CALN1: variants seen among roughly 807,000 people sequenced by gnomAD.
CALN1 encodes calcium-binding protein 8.
In CALN1, 17 loss-of-function variants were observed where a neutral mutation model predicts 30.6. That is an observed-to-expected ratio of 0.56 (90% CI 0.38 to 0.83). CALN1 has a LOEUF of 0.83. CALN1 is among the 40% of genes least tolerant of loss of function. The probability of loss-of-function intolerance (pLI) is 0.00; values close to 1 mark genes in which losing one functional copy is unlikely to be tolerated. For synonymous variants in CALN1, 156 were observed against 131.4 expected, an observed-to-expected ratio of 1.19 and a Z score of -1.28; for missense variants, 291 against 354.9, an observed-to-expected ratio of 0.82 and a Z score of 1.45.
intron 5 of CALN1, 117 bp downstream of exon 5, chr7:72,023,540 T>G (rs1195278914): frequency 3.4e-6 from 2 of 588,700 alleles, no homozygotes; most frequent in African/African-American, 3.7e-5. Context: ...GGAACATATG[T>G]CGCTCAGCCC....
intron 3 of CALN1, among the ~76,000 whole-genome samples, chr7:72,205,787 A>G (rs980003070): frequency 1.3e-5 from 2 of 151,550 alleles, no homozygotes; most frequent in African/African-American, 4.8e-5. Context: ...CTACAGTGCA[A>G]TCTCTAACAG....
chr7:71,856,955 AAAAAT>A (rs1016896246), intron 5 of CALN1, among the ~76,000 whole-genome samples: 7 of 152,030 alleles, frequency 4.6e-5, no homozygotes, highest in African/African-American at 1.7e-4. Context: ...ATTTTGTCTC[AAAAAT>A]AAAATAAAAT....
intron 3 of CALN1, among the ~76,000 whole-genome samples, chr7:72,225,907 C>T (rs1245300732): frequency 6.6e-6 from 1 of 151,988 alleles, no homozygotes; most frequent in Non-Finnish European, 1.5e-5. Flanking sequence ...ACCATCCTGG[C>T]CAACATGGTG....
At chr7:72,342,015 G>C (rs755125915) in intron 2 of CALN1, among the ~76,000 whole-genome samples, 6 of 152,086 alleles carry the variant, frequency 3.9e-5, no homozygotes, top group African/African-American at 1.4e-4. Flanking sequence ...ACTTTGGAAG[G>C]TCTAGGTGGG....
At chr7:72,423,931 AAG>A (rs1288721797) in intron 1 of CALN1, among the ~76,000 whole-genome samples, 2 of 137,208 alleles carry the variant, frequency 1.5e-5, no homozygotes, top group African/African-American at 5.4e-5. Flanking sequence ...GAGAAAAAGA[AAG>A]AAGAGAAAGA....
At chr7:72,398,807 CAT>C (rs1397135266) in intron 2 of CALN1, among the ~76,000 whole-genome samples, 1 of 152,222 alleles carries the variant, frequency 6.6e-6, no homozygotes, top group Non-Finnish European at 1.5e-5. Context: ...TAGCATTCCC[CAT>C]ATGACTTTAG....
chr7:72,411,528 C>G (rs1021572330), intron 1 of CALN1, among the ~76,000 whole-genome samples: 1 of 152,156 alleles, frequency 6.6e-6, no homozygotes, highest in African/African-American at 2.4e-5. Flanking sequence ...ATGGACGTAT[C>G]AGTTGTGTCA....
intron 6 of CALN1, among the ~76,000 whole-genome samples, chr7:71,794,435 G>A (rs948913578): frequency 2.0e-5 from 3 of 152,094 alleles, no homozygotes; most frequent in Non-Finnish European, 4.4e-5. Context: ...GTCTATAATA[G>A]AAGACTATAG....
At chr7:71,800,470 G>A (rs745503659) in intron 6 of CALN1, among the ~76,000 whole-genome samples, 8 of 152,078 alleles carry the variant, frequency 5.3e-5, no homozygotes, top group Non-Finnish European at 1.2e-4. Context: ...TTCCCCAGTT[G>A]GTGATTTCGC....
chr7:72,185,080 C>T (rs1272209632), intron 3 of CALN1, among the ~76,000 whole-genome samples: 1 of 152,138 alleles, frequency 6.6e-6, no homozygotes, highest in African/African-American at 2.4e-5. Context: ...GCTGGGATTA[C>T]AGGCTTGAGC....
intron 4 of CALN1, among the ~76,000 whole-genome samples, chr7:72,034,558 C>T (rs1801669438): frequency 1.3e-5 from 2 of 151,094 alleles, no homozygotes; most frequent in Admixed American, 6.6e-5. Flanking sequence ...TTTGGGAGGC[C>T]GATCAGACAG....
intron 3 of CALN1, among the ~76,000 whole-genome samples, chr7:72,221,536 G>C (rs1435170661): frequency 6.6e-6 from 1 of 152,024 alleles, no homozygotes; most frequent in East Asian, 1.9e-4. Context: ...GACAAGCAAA[G>C]ATTTGTTTTT....
At chr7:72,224,385 T>C (rs564874349) in intron 3 of CALN1, among the ~76,000 whole-genome samples, 1 of 152,278 alleles carries the variant, frequency 6.6e-6, no homozygotes, top group African/African-American at 2.4e-5. Flanking sequence ...TTTGGATGGA[T>C]ATCACAGGGT....
the CALN1 span, among the ~76,000 whole-genome samples, chr7:72,486,827 A>G: frequency 1.3e-5 from 2 of 152,212 alleles, no homozygotes; most frequent in African/African-American, 4.8e-5. Flanking sequence ...CTCACTGATT[A>G]CCTACTATAT....
chr7:71,814,742 AT>A (rs1788158641), intron 5 of CALN1, among the ~76,000 whole-genome samples: 1 of 151,884 alleles, frequency 6.6e-6, no homozygotes, highest in South Asian at 2.1e-4. Flanking sequence ...CCTCTTTATG[AT>A]TTTCATAATA....
intron 3 of CALN1, among the ~76,000 whole-genome samples, chr7:72,117,149 C>A (rs1326148321): frequency 1.3e-5 from 2 of 152,068 alleles, no homozygotes; most frequent in Non-Finnish European, 1.5e-5. Flanking sequence ...CCCATCTCTA[C>A]AAAAAATTAA....
At chr7:72,331,616 T>C (rs537425928) in intron 2 of CALN1, among the ~76,000 whole-genome samples, 2 of 152,240 alleles carry the variant, frequency 1.3e-5, no homozygotes, top group South Asian at 2.1e-4. Context: ...AGACAGCAAC[T>C]TTTTTTTCTA....
rs909702683 is a variant in CALN1 at position 72,114,449 on chromosome 7, C to A, written c.245-8155G>T. ...TACCCTGGTGATTGCTTCTAGCGAG[C>A]AGCTGCAAATACTTGGCAAGAGTTT... On this transcript the variant is annotated intron_variant, in intron 3 of 6. Coordinates refer to ENST00000395275, the MANE Select transcript of CALN1 (RefSeq NM_031468.4). Among the ~76,000 whole-genome samples, 15 of 151,670 alleles carry A rather than the reference C, an allele frequency of 9.9e-5. No homozygotes were observed. The South Asian group carries it at 3.1e-3, about 32-fold the overall frequency.
the CALN1 span, among the ~76,000 whole-genome samples, chr7:72,458,273 ATATAATATATTT>A: frequency 2.6e-4 from 17 of 65,060 alleles, no homozygotes; most frequent in South Asian, 2.7e-3. Flanking sequence ...ATTCTATATT[ATATAATATATTT>A]TATAATATAT....
Sources: gnomAD v4.1 joint callset for allele counts (sites outside exome capture counted in the v4.1 genomes callset) on GRCh38, gnomAD v4.1.1 for gene constraint, MANE v1.5 for transcripts, NCBI Gene and HGNC (gene_info 2026-07-23, HGNC 2026-07-21) for gene names.